ZNF462: variants seen among roughly 807,000 people sequenced by gnomAD.
The protein encoded by ZNF462 is zinc finger protein 462.
ZNF462 carries 10 observed loss-of-function variants against 201.9 expected under a neutral mutation model. The observed-to-expected ratio is 0.05, with a 90% confidence interval of 0.03 to 0.08. The LOEUF (loss-of-function observed/expected upper bound fraction) is 0.08. Ranked by LOEUF, ZNF462 falls within the 10% of genes least tolerant of loss-of-function variation. ZNF462 has a pLI of 1.00. For missense variants in ZNF462, 2,523 were observed against 3,168.3 expected (o/e 0.80, Z 4.89); for synonymous variants, 1,227 against 1,193.3 (o/e 1.03, Z -0.58).
In ZNF462 at chr9:106,925,388, C is replaced by T. The variant is rs953226797; in HGVS notation, c.1476C>T (p.His492=). The T allele has an allele frequency of 4.3e-6, 7 of 1,614,248 alleles. No homozygotes were observed. Among genetic ancestry groups the T allele is most frequent in the Non-Finnish European group, 5.9e-6 (7 of 1,180,048 alleles). Residue 492 remains histidine, a synonymous_variant, in exon 3 of 13, where the codon CAC becomes CAT. Coordinates refer to ENST00000277225, the MANE Select transcript of ZNF462 (RefSeq NM_021224.6). The surrounding 1 kb of genome is among the most constrained non-coding windows in gnomAD (Gnocchi z 7.9). ...AACTTGGGGCTCACAAACAGTGTCA[C>T]ACGGGTACAACGTCAGATTGGGATG... ...SLKLGAHKQC[H]TGTTSDWDAV...
chr9:106,927,812 A>G lies in ZNF462; in HGVS notation c.3900A>G (p.Arg1300=), dbSNP rs1043970387. Residue 1300 remains arginine, a synonymous_variant, in exon 3 of 13, where the codon CGA becomes CGG. Coordinates refer to ENST00000277225, the MANE Select transcript of ZNF462 (RefSeq NM_021224.6). ...AAGCCACAGTCACGTCCATCATGCG[A>G]TGGGCATTTCTAGATGGCTTGATAG... ...ALKATVTSIM[R]WAFLDGLIEA... is the part of the protein sequence containing the mutation. 5.6e-6 allele frequency: 9 copies of G among 1,614,040 alleles called. No homozygotes were observed. In the South Asian group the frequency reaches 7.7e-5, roughly 14 times the overall value.
rs201379876 is a variant in ZNF462 at position 106,923,600 on chromosome 9, T to A, written c.217T>A (p.Ser73Thr). ...TGAATTTGCCATTGCAGAAGATTTA[T>A]CAGGTAAATCTATACTAAACTTGGC... Reference protein sequence around the residue: ...KDEFAIAEDLSGQNATSLGTG... With the variant: ...KDEFAIAEDLTGQNATSLGTG... Residue 73 changes from serine to threonine, a missense_variant, in exon 2 of 13, where the codon TCA becomes ACA. By Grantham distance (58) the Ser-to-Thr change is moderately conservative. This residue lies in a region of ZNF462 where 480 missense variants were observed against 544.4 expected (regional missense o/e 0.88). Coordinates refer to ENST00000277225, the MANE Select transcript of ZNF462 (RefSeq NM_021224.6). This position sits in a 1 kb window ranked among gnomAD's most constrained non-coding sequence, Gnocchi z 5.6. 9 of 1,613,670 alleles carry A rather than the reference T, an allele frequency of 5.6e-6. No homozygotes were observed. The highest frequency in any genetic ancestry group is 3.3e-5 in the Admixed American group (2 of 60,008).
Position 106,865,265 on chromosome 9 carries a change from G to A in ZNF462, c.-31+1910G>A, listed in dbSNP as rs1827281960. On this transcript the variant is annotated intron_variant, in intron 1 of 12. Transcript: ENST00000277225. The surrounding 1 kb of genome is among the most constrained non-coding windows in gnomAD (Gnocchi z 4.1). ...TTTGACCTCCTTCAGGAAAGGCAAG[G>A]CAAAAACCTTAAAACAGTTCCACTG... Among the ~76,000 whole-genome samples, 1 of 152,070 alleles carries A rather than the reference G, an allele frequency of 6.6e-6. No individual in the cohort carries two copies. Among genetic ancestry groups the A allele is most frequent in the Non-Finnish European group, 1.5e-5 (1 of 67,998 alleles).
rs749576046 is a variant in ZNF462 at position 106,984,217 on chromosome 9, G to A, written c.6864G>A (p.Arg2288=). 2.4e-5 allele frequency: 39 copies of A among 1,613,886 alleles called. No homozygotes were observed. The highest frequency in any genetic ancestry group is 3.3e-5 in the Non-Finnish European group (39 of 1,179,908). ...GTGTTGTCCCCATTGAAGTTTGCCGGTCCAAACTGTCCAAATACTTGCAGG... is the reference window on the plus strand; with the variant it reads ...GTGTTGTCCCCATTGAAGTTTGCCGATCCAAACTGTCCAAATACTTGCAGG... ...EERVVPIEVC[R]SKLSKYLQGV... is the part of the protein sequence containing the mutation. Residue 2288 remains arginine, a synonymous_variant, in exon 10 of 13, where the codon CGG becomes CGA. Transcript: ENST00000277225. The surrounding 1 kb of genome is among the most constrained non-coding windows in gnomAD (Gnocchi z 6.4).
chr9:106,871,625 T>C (rs1234554955), intron 1 of ZNF462, among the ~76,000 whole-genome samples: 1 of 152,216 alleles, frequency 6.6e-6, no homozygotes, highest in Non-Finnish European at 1.5e-5. Flanking sequence ...GTACACATTC[T>C]TTGGCCAGTT....
At chr9:106,918,699 T>G (rs1588053024) in intron 1 of ZNF462, among the ~76,000 whole-genome samples, 1 of 152,346 alleles carries the variant, frequency 6.6e-6, no homozygotes, top group East Asian at 1.9e-4. Context: ...ATCACAAATC[T>G]TTGACCTCAG....
At chr9:106,861,436 C>T (rs983094373), upstream of ZNF462, among the ~76,000 whole-genome samples, 5 of 152,208 alleles carry the variant, frequency 3.3e-5, no homozygotes, top group African/African-American at 9.7e-5. Flanking sequence ...GGATCCTTAA[C>T]ACCGCGCCTT....
In ZNF462 at chr9:106,974,396, C is replaced by A; in HGVS notation, c.6832+123C>A. The stretch of plus-strand genomic sequence containing the variant: ...CCTTGTTCCTCACCTTATCTTCAGG[C>A]AAGAAACCACAGTGATAACCACAGT... On this transcript the variant is annotated intron_variant, in intron 9 of 12. Transcript: ENST00000277225. The surrounding 1 kb of genome is among the most constrained non-coding windows in gnomAD (Gnocchi z 4.0). 7.0e-7 allele frequency: 1 copy of A among 1,436,876 alleles called. No homozygotes were observed. The highest frequency in any genetic ancestry group is 9.8e-7 in the Non-Finnish European group (1 of 1,020,758). The allele number at this position is 1,436,876 out of a possible 1,614,324, so 89.0% of individuals were successfully genotyped here.
Position 106,923,663 on chromosome 9 carries a change from G to A in ZNF462, c.220+60G>A. The stretch of plus-strand genomic sequence containing the variant: ...TTTTAATTGCTCTTGTTTCCTTTTA[G>A]CCTGTAGCCATGGTTCTTAATATAC... On this transcript the variant is annotated intron_variant, in intron 2 of 12. Transcript: ENST00000277225. The surrounding 1 kb of genome is among the most constrained non-coding windows in gnomAD (Gnocchi z 5.6). 6.4e-7 allele frequency: 1 copy of A among 1,558,400 alleles called. No homozygotes were observed.
At chr9:106,892,578 A>G (rs1470307787) in intron 1 of ZNF462, among the ~76,000 whole-genome samples, 1 of 152,090 alleles carries the variant, frequency 6.6e-6, no homozygotes, top group Non-Finnish European at 1.5e-5. Context: ...AAGGCAGTGG[A>G]AAAGAAGACA....
chr9:106,945,993 T>A (rs1212307078), intron 7 of ZNF462, among the ~76,000 whole-genome samples: 6 of 152,246 alleles, frequency 3.9e-5, no homozygotes, highest in East Asian at 1.9e-4. Context: ...GCCATAGTTT[T>A]GTGGCTGCTA....
chr9:106,996,658 G>A (rs188914443), intron 10 of ZNF462, among the ~76,000 whole-genome samples: 4 of 152,208 alleles, frequency 2.6e-5, no homozygotes, highest in Admixed American at 6.5e-5. Flanking sequence ...TTTTGATGGG[G>A]TTGTTTGATT....
chr9:106,884,968 C>T (rs1438465773), intron 1 of ZNF462, among the ~76,000 whole-genome samples: 2 of 152,126 alleles, frequency 1.3e-5, no homozygotes, highest in African/African-American at 4.8e-5. Flanking sequence ...ATGACTGAGC[C>T]AGCTCAGTAG....
intron 1 of ZNF462, among the ~76,000 whole-genome samples, chr9:106,891,855 A>G (rs996887132): frequency 6.6e-6 from 1 of 152,170 alleles, no homozygotes; most frequent in Non-Finnish European, 1.5e-5. Context: ...AGACCCATCC[A>G]TGCATTCTAT....
At chr9:106,861,833 G>T (rs1479381527), upstream of ZNF462, among the ~76,000 whole-genome samples, 1 of 152,172 alleles carries the variant, frequency 6.6e-6, no homozygotes, top group Non-Finnish European at 1.5e-5. Context: ...AGGTGTGAAA[G>T]CTTCATCTTG....
chr9:106,991,724 G>C (rs1828283556), intron 10 of ZNF462, among the ~76,000 whole-genome samples: 1 of 151,682 alleles, frequency 6.6e-6, no homozygotes, highest in South Asian at 2.1e-4. Context: ...GTGGTCAGTT[G>C]ATTTTCATAA....
rs1243676283 is a variant in ZNF462 at position 107,005,250 on chromosome 9, A to G, written c.7189+1824A>G. On this transcript the variant is annotated intron_variant, in intron 11 of 12. Coordinates refer to ENST00000277225, the MANE Select transcript of ZNF462 (RefSeq NM_021224.6). This position sits in a 1 kb window ranked among gnomAD's most constrained non-coding sequence, Gnocchi z 4.4. ...ACCTAGGAGTGGGATTGCTAGATCA[A>G]TGTGGTAGTTCTACTTTTAACTGAT... 6.6e-6 allele frequency among the ~76,000 whole-genome samples: 1 copy of G among 152,152 alleles called. No individual in the cohort carries two copies. Among genetic ancestry groups the G allele is most frequent in the Non-Finnish European group, 1.5e-5 (1 of 68,022 alleles).
chr9:106,889,054 T>C (rs1286008952), intron 1 of ZNF462, among the ~76,000 whole-genome samples: 1 of 152,242 alleles, frequency 6.6e-6, no homozygotes, highest in Non-Finnish European at 1.5e-5. Flanking sequence ...CTGGATATGC[T>C]TTAACTTGCC....
rs1564171319 is a variant in ZNF462 at position 107,008,524 on chromosome 9, TC to T, written c.7190-1018del. Reference sequence around the variant, plus strand: ...TCAGAGTGTAAAGATGATCAACACTTCCCTGTGCGATGCCCTCACTTTGCAA... The same window carrying T: ...TCAGAGTGTAAAGATGATCAACACTTCCTGTGCGATGCCCTCACTTTGCAA... On this transcript the variant is annotated intron_variant, in intron 11 of 12. Coordinates refer to ENST00000277225, the MANE Select transcript of ZNF462 (RefSeq NM_021224.6). This position sits in a 1 kb window ranked among gnomAD's most constrained non-coding sequence, Gnocchi z 4.8. Among the ~76,000 whole-genome samples, 1 of 152,142 alleles carries T rather than the reference TC, an allele frequency of 6.6e-6. No homozygotes were observed. The highest frequency in any genetic ancestry group is 1.5e-5 in the Non-Finnish European group (1 of 68,032).
Sources: allele counts gnomAD v4.1 joint callset (sites outside exome capture counted in the v4.1 genomes callset), GRCh38; gene constraint gnomAD v4.1.1; regional missense constraint gnomAD v4.1.1; non-coding constraint Gnocchi (gnomAD v3.1); transcripts MANE v1.5; gene names NCBI Gene and HGNC (gene_info 2026-07-23, HGNC 2026-07-21).